Variants in NIPAL4 observed in about 807,000 individuals in gnomAD.
NIPAL4 encodes the protein magnesium transporter NIPA4.
A neutral mutation model predicts 31.6 loss-of-function variants in NIPAL4; 21 were observed. The observed-to-expected ratio is 0.67, with a 90% CI of 0.47 to 0.96. The LOEUF (loss-of-function observed/expected upper bound fraction) is 0.96, where lower values mean the gene tolerates loss of function less well. NIPAL4 is among the 40% of genes least tolerant of loss of function. The pLI is 0.00. For synonymous variants in NIPAL4, 175 were observed against 211.1 expected (o/e 0.83, Z 1.48); for missense variants, 438 against 508.0 (o/e 0.86, Z 1.32).
At chr5:157,465,613 A>AT (rs1754250789) in intron 2 of NIPAL4, among the ~76,000 whole-genome samples, 1 of 152,148 alleles carries the variant, frequency 6.6e-6, no homozygotes, top group African/African-American at 2.4e-5. Context: ...TGGAGCTTCC[A>AT]TTTTACTGGG....
In NIPAL4 at chr5:157,474,063, G is replaced by T. The variant is rs1754516416; in HGVS notation, c.*1103G>T. On this transcript the variant is annotated 3_prime_UTR_variant, in exon 6 of 6. Coordinates refer to ENST00000311946, the MANE Select transcript of NIPAL4 (RefSeq NM_001099287.2). ...GTAATTTCTGGGTTGCAGCCTTAAA[G>T]GCTTGGACAGCTGTGAATCTCAATG... 6.6e-6 allele frequency: 1 copy of T among 152,266 alleles called. No individual in the cohort carries two copies. Among genetic ancestry groups the T allele is most frequent in the Admixed American group, 6.5e-5 (1 of 15,280 alleles). 9.4% of individuals were successfully genotyped at this position (152,266 alleles called of 1,614,324 possible).
intron 1 of NIPAL4, 34 bp downstream of exon 1, chr5:157,460,391 C>A (rs1309445489): frequency 4.6e-6 from 7 of 1,521,500 alleles, no homozygotes; most frequent in Non-Finnish European, 6.2e-6. Flanking sequence ...CAGGCGGGCT[C>A]CGCGCTTCGC....
intron 1 of NIPAL4, chr5:157,460,711 C>A (rs1465738280): frequency 4.1e-6 from 2 of 488,420 alleles, no homozygotes; most frequent in Non-Finnish European, 8.0e-6. Context: ...GGTTTTAGTA[C>A]CTGCGCAGTT....
chr5:157,469,147 G>A (rs991682357), intron 4 of NIPAL4, among the ~76,000 whole-genome samples: 20 of 152,198 alleles, frequency 1.3e-4, no homozygotes, highest in Non-Finnish European at 2.6e-4. Context: ...CCGGATTAAT[G>A]CTGCCTGAGT....
At position 157,463,293 on chromosome 5, in the gene NIPAL4, A is replaced by T; in HGVS notation, c.237A>T (p.Lys79Asn). 6.2e-7 allele frequency: 1 copy of T among 1,613,292 alleles called. No homozygotes were observed. The highest frequency in any genetic ancestry group is 8.5e-7 in the Non-Finnish European group (1 of 1,179,350). Residue 79 changes from lysine (K) to asparagine (N), a missense_variant, in exon 2 of 6, where the codon AAA becomes AAT. Lys to Asn is a moderately conservative substitution (Grantham distance 94). Transcript: ENST00000311946. ...GCAGCAGCGTCATCCTCAAGAAGAA[A>T]GGCCTCTTGCGACTCGTGGCCACGG... is the stretch of plus-strand genomic sequence containing the variant. ...LIGSSVILKK[K>N]GLLRLVATGA...
intron 2 of NIPAL4, among the ~76,000 whole-genome samples, chr5:157,465,451 T>C (rs889851606): frequency 1.3e-5 from 2 of 152,208 alleles, no homozygotes; most frequent in Non-Finnish European, 2.9e-5. Context: ...AAAGTGGGCA[T>C]TCCCAAAAGC....
At position 157,463,102 on chromosome 5, in the gene NIPAL4, C is replaced by T. The variant is rs1200241228; in HGVS notation, c.46C>T (p.Leu16Phe). ...GTGGTCTTCCCATCCAGGTTCCCTGCTCCACCTCTACTGCTCCTCCCAAGA... is the reference window on the plus strand; with the variant it reads ...GTGGTCTTCCCATCCAGGTTCCCTGTTCCACCTCTACTGCTCCTCCCAAGA... The part of the protein sequence containing the change: ...SNTSCENGSL[L>F]HLYCSSQEVL... Residue 16 changes from leucine (L) to phenylalanine (F), a missense_variant, in exon 2 of 6, where the codon CTC becomes TTC. Leu to Phe is a conservative substitution (Grantham distance 22). Transcript: ENST00000311946. 6.2e-7 allele frequency: 1 copy of T among 1,613,972 alleles called. No individual in the cohort carries two copies. The highest frequency in any genetic ancestry group is 2.2e-5 in the East Asian group (1 of 44,876).
At position 157,466,360 on chromosome 5, in the gene NIPAL4, G is replaced by A. The variant is rs565891769; in HGVS notation, c.278-689G>A. 3.8e-4 allele frequency among the ~76,000 whole-genome samples: 58 copies of A among 152,318 alleles called. No individual in the cohort carries two copies. The South Asian group carries it at 0.011, about 29-fold the overall frequency. On this transcript the variant is annotated intron_variant, in intron 2 of 5. Transcript: ENST00000311946. ...CAAAAGTATGCATGCTCTTGTTAAG[G>A]ATTCTGGTCTTTATCCTGAGAGCAC...
In NIPAL4 at chr5:157,472,734, C is replaced by T. The variant is rs199652326; in HGVS notation, c.989C>T (p.Ser330Leu). 69 of 1,613,724 alleles carry T rather than the reference C, an allele frequency of 4.3e-5. No individual in the cohort carries two copies. The Middle Eastern group carries it at 9.9e-4, about 23-fold the overall frequency. The change falls in exon 6 of 6, where the codon TCG (serine) becomes TTG (leucine). Residue 330 changes from serine to leucine, a missense_variant. Ser to Leu is a moderately radical substitution (Grantham distance 145, BLOSUM62 -2). Transcript: ENST00000311946. ...GCTGTGGACATTGCAGGCACCCTCT[C>T]GGGCTTTGTCACCATCATCTTGGGC... is the stretch of plus-strand genomic sequence containing the variant. ...MSAVDIAGTL[S>L]GFVTIILGVF...
chr5:157,467,512 GTTTGCCCAAATTTGC>G (rs1180234550), intron 3 of NIPAL4: 10 of 180,866 alleles, frequency 5.5e-5, no homozygotes, highest in Non-Finnish European at 1.2e-4. Flanking sequence ...GTTACTTAAA[GTTTGCCCAAATTTGC>G]ATACTCACAC....
In NIPAL4 at chr5:157,472,544, C is replaced by T. The variant is rs1754470409; in HGVS notation, c.799C>T (p.Leu267=). ...TGTCCGGCACCCGCTCCCCTACATC[C>T]TGTCCCTCATCCTGGCACTGTCCCT... ...PVVRHPLPYI[L]SLILALSLST... Residue 267 remains leucine (L), a synonymous_variant, in exon 6 of 6, where the codon CTG becomes TTG. Transcript: ENST00000311946. 6.2e-7 allele frequency: 1 copy of T among 1,613,852 alleles called. No homozygotes were observed. The highest frequency in any genetic ancestry group is 1.3e-5 in the African/African-American group (1 of 74,902).
intron 4 of NIPAL4, among the ~76,000 whole-genome samples, chr5:157,470,406 T>C (rs1053114769): frequency 6.6e-6 from 1 of 152,190 alleles, no homozygotes; most frequent in Non-Finnish European, 1.5e-5. Context: ...AGAAAACCCA[T>C]GAGCTTTATA....
At chr5:157,466,141 G>A (rs1754266269) in intron 2 of NIPAL4, among the ~76,000 whole-genome samples, 5 of 152,158 alleles carry the variant, frequency 3.3e-5, no homozygotes, top group Admixed American at 3.3e-4. Flanking sequence ...GGGAGTCAGG[G>A]ATGGCATCGT....
chr5:157,470,861 T>C lies in NIPAL4; in HGVS notation c.426-796T>C, dbSNP rs553605853. Among the ~76,000 whole-genome samples the C allele has an allele frequency of 3.9e-5, 6 of 152,306 alleles. No homozygotes were observed. The East Asian group carries it at 9.7e-4, about 25-fold the overall frequency. ...GCTGAGAGCCATCTGTTGGCAGTGC[T>C]AAGAGAGGATGTGTCCATTGGGAAG... On this transcript the variant is annotated intron_variant, in intron 4 of 5. Coordinates refer to ENST00000311946, the MANE Select transcript of NIPAL4 (RefSeq NM_001099287.2).
chr5:157,471,739 A>G lies in NIPAL4; in HGVS notation c.508A>G (p.Thr170Ala), dbSNP rs1252354106. Residue 170 changes from threonine (T) to alanine (A), a missense_variant, in exon 5 of 6, where the codon ACA (threonine) becomes GCA (alanine). By Grantham distance (58) the Thr-to-Ala change is moderately conservative (BLOSUM62 0). Transcript: ENST00000311946. ...LGCVICVAGS[T>A]VMVIHAPEEE... ...CTGTGTGATCTGTGTGGCCGGAAGC[A>G]CAGTGATGGTGATACATGCTCCTGA... The G allele has an allele frequency of 6.2e-7, 1 of 1,606,784 alleles. No individual in the cohort carries two copies. Among genetic ancestry groups the G allele is most frequent in the East Asian group, 2.2e-5 (1 of 44,744 alleles).
At position 157,472,771 on chromosome 5, in the gene NIPAL4, G is replaced by A; in HGVS notation, c.1026G>A (p.Leu342=). 6.2e-7 allele frequency: 1 copy of A among 1,611,416 alleles called. No homozygotes were observed. Among genetic ancestry groups the A allele is most frequent in the Non-Finnish European group, 8.5e-7 (1 of 1,177,630 alleles). Residue 342 remains leucine, a synonymous_variant, in exon 6 of 6, where the codon CTG becomes CTA. Coordinates refer to ENST00000311946, the MANE Select transcript of NIPAL4 (RefSeq NM_001099287.2). ...FVTIILGVFM[L]HAFKDLDISC... ...CCATCATCTTGGGCGTGTTCATGCTGCATGCTTTCAAAGACCTGGACATCA... is the reference window on the plus strand; with the variant it reads ...CCATCATCTTGGGCGTGTTCATGCTACATGCTTTCAAAGACCTGGACATCA...
chr5:157,473,272 AC>A lies in NIPAL4; in HGVS notation c.*315del. ...GCCGTTGGGAAGAAGATGGAGTCTG[AC>A]CCACTGAATGTAGCACAGTCCAAGG... On this transcript the variant is annotated 3_prime_UTR_variant, in exon 6 of 6. Coordinates refer to ENST00000311946, the MANE Select transcript of NIPAL4 (RefSeq NM_001099287.2). 1 of 290,900 alleles carries A rather than the reference AC, an allele frequency of 3.4e-6. No homozygotes were observed. Among genetic ancestry groups the A allele is most frequent in the Admixed American group, 4.6e-5 (1 of 21,784 alleles). 18.0% of individuals were successfully genotyped at this position (290,900 alleles called of 1,614,324 possible).
chr5:157,463,387 G>T (rs531228264), intron 2 of NIPAL4, 54 bp downstream of exon 2: 19 of 1,533,342 alleles, frequency 1.2e-5, no homozygotes, highest in Non-Finnish European at 1.7e-5. Flanking sequence ...GCTCTCACAA[G>T]GTCCGGGGCT....
chr5:157,462,141 G>A (rs529837289), intron 1 of NIPAL4, among the ~76,000 whole-genome samples: 1 of 152,292 alleles, frequency 6.6e-6, no homozygotes, highest in East Asian at 1.9e-4. Flanking sequence ...TGCCTACAAA[G>A]GCCAAGCACG....
Sources: gnomAD v4.1 joint callset for allele counts (sites outside exome capture counted in the v4.1 genomes callset) on GRCh38, gnomAD v4.1.1 for gene constraint, MANE v1.5 for transcripts, NCBI Gene and HGNC (gene_info 2026-07-23, HGNC 2026-07-21) for gene names.